The following NAALADL2 variants were observed in gnomAD, a reference collection of about 807,000 sequenced individuals.
The protein encoded by NAALADL2 is inactive N-acetylated-alpha-linked acidic dipeptidase-like protein 2.
A neutral mutation model predicts 87.2 loss-of-function variants in NAALADL2; 76 were observed. That is an observed-to-expected ratio of 0.87 (90% CI 0.72 to 1.05). NAALADL2 has a LOEUF of 1.05. NAALADL2 is among the 50% of genes least tolerant of loss of function. NAALADL2 has a pLI of 0.00. For missense variants in NAALADL2, 1,089 were observed against 945.8 expected (o/e 1.15, Z -1.99); for synonymous variants, 354 against 331.0 (o/e 1.07, Z -0.75).
intron 6 of NAALADL2, among the ~76,000 whole-genome samples, chr3:175,450,867 C>T (rs1289147608): frequency 2.6e-5 from 4 of 152,154 alleles, no homozygotes; most frequent in African/African-American, 9.7e-5. Flanking sequence ...TAAGTAATGA[C>T]TTGCTTCATC....
intron 1 of NAALADL2, among the ~76,000 whole-genome samples, chr3:175,014,040 G>A (rs536848460): frequency 6.6e-6 from 1 of 152,118 alleles, no homozygotes; most frequent in Non-Finnish European, 1.5e-5. Context: ...TTTGCCAGGG[G>A]TGCTATTAAG....
At chr3:174,660,705 C>G (rs905351142) in intron 2 of NAALADL2, among the ~76,000 whole-genome samples, 1 of 151,926 alleles carries the variant, frequency 6.6e-6, no homozygotes, top group Non-Finnish European at 1.5e-5. Flanking sequence ...CTGGGAAGTT[C>G]TTTTTGAAAA....
intron 5 of NAALADL2, among the ~76,000 whole-genome samples, chr3:175,380,040 G>T (rs934969119): frequency 1.3e-5 from 2 of 151,908 alleles, no homozygotes; most frequent in African/African-American, 2.4e-5. Context: ...CACACACCAG[G>T]GACTGTTGTG....
intron 4 of NAALADL2, among the ~76,000 whole-genome samples, chr3:175,308,831 C>T (rs1758005421): frequency 6.6e-6 from 1 of 152,284 alleles, no homozygotes; most frequent in East Asian, 1.9e-4. Context: ...GTGACATGCA[C>T]TCTGACCCTT....
At position 174,824,702 on chromosome 3, in the gene NAALADL2, C is replaced by T. The variant is rs939493057; in HGVS notation, c.-9+86956C>T. Among the ~76,000 whole-genome samples the T allele has an allele frequency of 3.7e-4, 57 of 152,068 alleles. 1 individual carries two copies. Among genetic ancestry groups the T allele is most frequent in the African/African-American group, 1.3e-3 (53 of 41,416 alleles). On this transcript the variant is annotated intron_variant, in intron 3 of 3. Coordinates refer to the NAALADL2 transcript ENST00000434257. ...ATAATTCATTAAGTGAACCACCTAG[C>T]GATTATTTGTGCTGTGTAGCCTTTG...
At chr3:175,734,357 A>T (rs1032172008) in intron 11 of NAALADL2, among the ~76,000 whole-genome samples, 3 of 151,916 alleles carry the variant, frequency 2.0e-5, no homozygotes, top group Non-Finnish European at 4.4e-5. Context: ...GATCAAGACC[A>T]TCCTGACTAA....
intron 1 of NAALADL2, among the ~76,000 whole-genome samples, chr3:174,515,700 A>C (rs1290269476): frequency 6.6e-6 from 1 of 151,754 alleles, no homozygotes; most frequent in African/African-American, 2.4e-5. Context: ...AAAAAAAAAA[A>C]ACCCCTTAAA....
At chr3:175,022,403 GACAATT>G (rs1751675774) in intron 1 of NAALADL2, among the ~76,000 whole-genome samples, 1 of 151,876 alleles carries the variant, frequency 6.6e-6, no homozygotes, top group Non-Finnish European at 1.5e-5. Context: ...CAGAACATTG[GACAATT>G]ACCTGACAAA....
chr3:174,809,894 G>T (rs1719970292), intron 3 of NAALADL2, among the ~76,000 whole-genome samples: 1 of 152,126 alleles, frequency 6.6e-6, no homozygotes, highest in South Asian at 2.1e-4. Flanking sequence ...TTTTGATGCT[G>T]TTCTCATGAT....
At chr3:175,509,868 T>A (rs936573650) in intron 9 of NAALADL2, among the ~76,000 whole-genome samples, 1 of 152,240 alleles carries the variant, frequency 6.6e-6, no homozygotes, top group South Asian at 2.1e-4. Flanking sequence ...ATTATTATTA[T>A]ACTTTAAGTT....
At chr3:174,573,411 G>T (rs1715154899) in intron 2 of NAALADL2, among the ~76,000 whole-genome samples, 1 of 152,114 alleles carries the variant, frequency 6.6e-6, no homozygotes, top group African/African-American at 2.4e-5. Context: ...GAGACTAAAG[G>T]TGTCCACCAT....
chr3:175,266,039 A>G (rs1751880634), intron 4 of NAALADL2, among the ~76,000 whole-genome samples: 2 of 150,754 alleles, frequency 1.3e-5, no homozygotes, highest in South Asian at 2.1e-4. Flanking sequence ...GAGCAGTTAA[A>G]AAAAGCCTTT....
intron 1 of NAALADL2, among the ~76,000 whole-genome samples, chr3:174,541,333 C>T (rs13071023): frequency 0.4 from 60,005 of 151,834 alleles, 13,489 homozygotes; most frequent in Non-Finnish European, 0.51. Flanking sequence ...AATGACGTTT[C>T]TAAAAATTTT....
intron 2 of NAALADL2, among the ~76,000 whole-genome samples, chr3:175,133,442 G>A (rs57023148): frequency 8.5e-5 from 13 of 152,170 alleles, no homozygotes; most frequent in African/African-American, 2.9e-4. Context: ...ATTGAGCACT[G>A]AGTGAACCAG....
In NAALADL2 at chr3:175,598,309, T is replaced by C. The variant is rs535335895; in HGVS notation, c.1800+22122T>C. Among the ~76,000 whole-genome samples the C allele has an allele frequency of 1.1e-4, 17 of 151,944 alleles. No individual in the cohort carries two copies. In the South Asian group the frequency reaches 2.9e-3, roughly 26 times the overall value. On this transcript the variant is annotated intron_variant, in intron 10 of 13. Transcript: ENST00000454872. Reference sequence around the variant, plus strand: ...AAATCTTCCAGATAGTAAAGATTTTTCCTCTAACATCACAGTTGGGTCTAA... The same window carrying C: ...AAATCTTCCAGATAGTAAAGATTTTCCCTCTAACATCACAGTTGGGTCTAA...
At chr3:175,521,354 AAAAT>A (rs1732632122) in intron 9 of NAALADL2, among the ~76,000 whole-genome samples, 1 of 152,150 alleles carries the variant, frequency 6.6e-6, no homozygotes, top group Non-Finnish European at 1.5e-5. Context: ...TACAGTTCTC[AAAAT>A]AAATAGATTT....
At chr3:175,207,566 C>T (rs150881829) in intron 2 of NAALADL2, among the ~76,000 whole-genome samples, 4 of 152,138 alleles carry the variant, frequency 2.6e-5, no homozygotes, top group South Asian at 4.1e-4. Context: ...CCCATTAGAA[C>T]ACACTGTTAC....
rs35198621 is a variant in NAALADL2 at position 175,327,148 on chromosome 3, C to CTTTTTTTTT, written c.1090+2838_1090+2846dup. Among the ~76,000 whole-genome samples the CTTTTTTTTT allele has an allele frequency of 2.6e-3, 258 of 99,502 alleles. 11 individuals are homozygous for CTTTTTTTTT. Among genetic ancestry groups the CTTTTTTTTT allele is most frequent in the East Asian group, 7.9e-3 (21 of 2,660 alleles). 65.3% of individuals were successfully genotyped at this position (99,502 alleles called of 152,430 possible). A position where few individuals can be genotyped will look rare whatever the true frequency, so the allele number is the denominator to read the frequency against. On this transcript the variant is annotated intron_variant, in intron 5 of 13. Transcript: ENST00000454872. Reference sequence around the variant, plus strand: ...CCAGCTTTATCAACTGTCTACATTTCTTTTTTTTTTTTTTTTTTTTTTTCT... The same window carrying CTTTTTTTTT: ...CCAGCTTTATCAACTGTCTACATTTCTTTTTTTTTTTTTTTTTTTTTTTTTTTTTTTTCT...
chr3:174,684,300 C>T (rs989706823), intron 2 of NAALADL2, among the ~76,000 whole-genome samples: 8 of 152,038 alleles, frequency 5.3e-5, no homozygotes, highest in East Asian at 3.8e-4. Context: ...TATTTAAACA[C>T]GACTGAATGG....
Sources: allele counts gnomAD v4.1 joint callset (sites outside exome capture counted in the v4.1 genomes callset), GRCh38; gene constraint gnomAD v4.1.1; transcripts MANE v1.5; gene names NCBI Gene and HGNC (gene_info 2026-07-23, HGNC 2026-07-21).